Variants in ANKRD36C observed in about 807,000 individuals in gnomAD.
ANKRD36C encodes ankyrin repeat domain 36C, also known as ankyrin repeat domain-containing protein 36C.
A neutral mutation model predicts 276.4 loss-of-function variants in ANKRD36C; 61 were observed. That is an observed-to-expected ratio of 0.22 (90% confidence interval 0.18 to 0.27). ANKRD36C has a LOEUF of 0.27. ANKRD36C is among the 10% of genes least tolerant of loss of function. ANKRD36C has a pLI of 1.00. For missense variants in ANKRD36C, 1,447 were observed against 2,032.3 expected (o/e 0.71, Z 5.54); for synonymous variants, 483 against 680.1 (o/e 0.71, Z 4.51).
chr2:95,954,300 C>T (rs1166483673), intron 13 of ANKRD36C, among the ~76,000 whole-genome samples: 2 of 152,074 alleles, frequency 1.3e-5, no homozygotes, highest in African/African-American at 2.4e-5. Flanking sequence ...ATGGCGTGGC[C>T]AGACAATAAT....
At chr2:95,923,765 A>C (rs770244155) in intron 30 of ANKRD36C, 76 bp from the exon 31 acceptor site, 14 of 1,585,184 alleles carry the variant, frequency 8.8e-6, no homozygotes, top group South Asian at 1.1e-5. Context: ...GAAGTGTTAG[A>C]ATCAAGCTGT....
At chr2:95,855,411 C>T (rs1675386767) in exon 63 of ANKRD36C, 1 of 1,613,386 alleles carries the variant, frequency 6.2e-7, no homozygotes, top group South Asian at 1.1e-5. Context: ...AGCATCACAT[C>T]TGGCTTGAAT....
At chr2:95,963,708 T>C (rs1375370216) in intron 6 of ANKRD36C, among the ~76,000 whole-genome samples, 4 of 111,918 alleles carry the variant, frequency 3.6e-5, no homozygotes, top group African/African-American at 1.4e-4. Flanking sequence ...CAGTTATACT[T>C]AGAGTCATAA....
At chr2:95,893,455 C>A (rs565856416) in intron 44 of ANKRD36C, 78 bp downstream of exon 64, 71 of 1,519,218 alleles carry the variant, frequency 4.7e-5, no homozygotes, top group African/African-American at 2.1e-4. Context: ...TCGACGAGCC[C>A]CCCGCTGATT....
chr2:95,880,417 CAA>C lies in ANKRD36C; in HGVS notation c.3469+8_3469+9del, dbSNP rs1331182672. ...TCTTTCCAGAGTTAAATCTACAATG[CAA>C]AGTTTACCTGGTGTGGATGTTTGTA... On this transcript the variant is annotated splice_region_variant and intron_variant, in intron 58 of 66. Coordinates refer to ENST00000456556, the Ensembl canonical transcript of ANKRD36C. 1 of 1,549,298 alleles carries C rather than the reference CAA, an allele frequency of 6.5e-7. No individual in the cohort carries two copies. The highest frequency in any genetic ancestry group is 8.7e-7 in the Non-Finnish European group (1 of 1,146,294).
chr2:95,892,297 G>A (rs904124383), intron 44 of ANKRD36C, among the ~76,000 whole-genome samples: 12 of 151,458 alleles, frequency 7.9e-5, no homozygotes, highest in African/African-American at 2.7e-4. Context: ...TCTTTAACTT[G>A]CCCAGTTAAT....
chr2:95,940,906 T>C (rs1330402038), intron 20 of ANKRD36C, among the ~76,000 whole-genome samples: 1 of 146,510 alleles, frequency 6.8e-6, no homozygotes, highest in East Asian at 2.0e-4. Flanking sequence ...TTAAATTATA[T>C]TTACTATTAA....
chr2:95,991,520 C>T (rs1193391306), exon 1 of ANKRD36C: 1 of 1,600,908 alleles, frequency 6.2e-7, no homozygotes, highest in Admixed American at 1.7e-5. Context: ...ACCTTTCCTT[C>T]CTGTCTCTCT....
intron 59 of ANKRD36C, among the ~76,000 whole-genome samples, chr2:95,874,293 A>G (rs1675888369): frequency 6.6e-6 from 1 of 152,244 alleles, no homozygotes; most frequent in Non-Finnish European, 1.5e-5. Context: ...ACAAGGCTAC[A>G]GTAACCAAAA....
intron 6 of ANKRD36C, among the ~76,000 whole-genome samples, chr2:95,972,194 T>C (rs1678713930): frequency 6.6e-6 from 1 of 152,220 alleles, no homozygotes; most frequent in Non-Finnish European, 1.5e-5. Flanking sequence ...CACCATTTCC[T>C]GAGAAAAGTA....
chr2:95,892,673 G>C (rs1456514513), intron 44 of ANKRD36C, among the ~76,000 whole-genome samples: 2 of 151,406 alleles, frequency 1.3e-5, no homozygotes, highest in Non-Finnish European at 3.0e-5. Flanking sequence ...CATTTTAGGA[G>C]TTAATTAGAA....
intron 19 of ANKRD36C, among the ~76,000 whole-genome samples, chr2:95,941,412 T>C (rs1677888535): frequency 6.6e-6 from 1 of 152,420 alleles, no homozygotes; most frequent in African/African-American, 2.4e-5. Context: ...TCATTATTTC[T>C]ACAATTCAAG....
chr2:95,897,290 T>C (rs1419872268), intron 44 of ANKRD36C: 2 of 1,521,674 alleles, frequency 1.3e-6, no homozygotes, highest in Admixed American at 2.0e-5. Flanking sequence ...TTTTTCTCCA[T>C]GCTTTTTTCC....
intron 19 of ANKRD36C, among the ~76,000 whole-genome samples, chr2:95,942,694 A>C (rs1677927924): frequency 6.6e-6 from 1 of 152,286 alleles, no homozygotes; most frequent in South Asian, 2.1e-4. Context: ...ATCACCATGC[A>C]AGCTGAAGAT....
intron 4 of ANKRD36C, among the ~76,000 whole-genome samples, chr2:95,981,728 T>C (rs954670309): frequency 6.6e-6 from 1 of 151,834 alleles, no homozygotes; most frequent in African/African-American, 2.4e-5. Context: ...AGGTCACACA[T>C]CTAGCAAGTG....
At chr2:95,961,333 GA>G (rs1336400323) in intron 8 of ANKRD36C, among the ~76,000 whole-genome samples, 5 of 151,966 alleles carry the variant, frequency 3.3e-5, no homozygotes, top group Admixed American at 1.3e-4. Context: ...CTCATGGCAA[GA>G]AAGTATAATA....
At chr2:95,917,328 C>T (rs1677130186) in intron 36 of ANKRD36C, among the ~76,000 whole-genome samples, 1 of 151,546 alleles carries the variant, frequency 6.6e-6, no homozygotes, top group African/African-American at 2.4e-5. Context: ...ATTTCCTCAG[C>T]AGAAACCCCT....
intron 19 of ANKRD36C, 74 bp downstream of exon 19, chr2:95,944,553 A>G: frequency 7.3e-7 from 1 of 1,372,918 alleles, no homozygotes; most frequent in Non-Finnish European, 9.9e-7. Flanking sequence ...GATCATTAAC[A>G]GATAAGAGTG....
chr2:95,916,418 TA>T (rs1447014218), intron 36 of ANKRD36C, among the ~76,000 whole-genome samples: 1 of 151,498 alleles, frequency 6.6e-6, no homozygotes, highest in Non-Finnish European at 1.5e-5. Context: ...AAAACTAAAA[TA>T]AAACCGTGTC....
Sources: gnomAD v4.1 joint callset for allele counts (sites outside exome capture counted in the v4.1 genomes callset) on GRCh38, gnomAD v4.1.1 for gene constraint, MANE v1.5 for transcripts, NCBI Gene and HGNC (gene_info 2026-07-23, HGNC 2026-07-21) for gene names.